The following B3GNT5 variants were observed in gnomAD, a reference collection of about 807,000 sequenced individuals.
B3GNT5 encodes the protein UDP-GlcNAc:betaGal beta-1,3-N-acetylglucosaminyltransferase 5.
A neutral mutation model predicts 25.9 loss-of-function variants in B3GNT5; 11 were observed. The ratio of observed to expected loss-of-function variants is 0.42; its 90% CI spans 0.27 to 0.70. The LOEUF (loss-of-function observed/expected upper bound fraction) is 0.70, where lower values mean the gene tolerates loss of function less well. Ranked by LOEUF, B3GNT5 falls within the 30% of genes least tolerant of loss-of-function variation. B3GNT5 has a pLI of 0.23. For missense variants in B3GNT5, 385 were observed against 458.4 expected, an observed-to-expected ratio of 0.84 and a Z score of 1.46; for synonymous variants, 166 against 158.6, an observed-to-expected ratio of 1.05 and a Z score of -0.35.
Position 183,273,359 on chromosome 3 carries a change from A to G in B3GNT5, c.*2424A>G, listed in dbSNP as rs16857229. Reference sequence around the variant, plus strand: ...ATTAGTGAGTTTAAAAAAAATCTATAGTTTCCAATAAACAACTGAAAAATT... The same window carrying G: ...ATTAGTGAGTTTAAAAAAAATCTATGGTTTCCAATAAACAACTGAAAAATT... On this transcript the variant is annotated 3_prime_UTR_variant, in exon 2 of 2. Transcript: ENST00000326505. The G allele has an allele frequency of 0.019, 4,216 of 218,162 alleles. 190 individuals are homozygous for G. Among genetic ancestry groups the G allele is most frequent in the African/African-American group, 0.088 (3,829 of 43,710 alleles). The allele number at this position is 218,162 out of a possible 1,614,324, so 13.5% of individuals were successfully genotyped here.
chr3:183,269,532 A>C lies in B3GNT5; in HGVS notation c.-267A>C. The C allele has an allele frequency of 2.6e-6, 1 of 386,394 alleles. No homozygotes were observed. Among genetic ancestry groups the C allele is most frequent in the East Asian group, 5.0e-5 (1 of 20,144 alleles). The allele number at this position is 386,394 out of a possible 1,614,324, so 23.9% of individuals were successfully genotyped here. Reference sequence around the variant, plus strand: ...AATATTCACATGGGAGAGCCGCATGAGGCCGCCCACCACGCTTCCTGAAGG... The same window carrying C: ...AATATTCACATGGGAGAGCCGCATGCGGCCGCCCACCACGCTTCCTGAAGG... On this transcript the variant is annotated 5_prime_UTR_variant, in exon 2 of 2. The change abolishes the stop of an existing upstream ORF in the 5' untranslated region. Coordinates refer to ENST00000326505, the MANE Select transcript of B3GNT5 (RefSeq NM_032047.5).
At chr3:183,259,900 GAAGT>G (rs1725430727) in intron 1 of B3GNT5, among the ~76,000 whole-genome samples, 1 of 152,170 alleles carries the variant, frequency 6.6e-6, no homozygotes, top group Non-Finnish European at 1.5e-5. Context: ...GTTAGTGAAG[GAAGT>G]AAGAACAGTG....
intron 1 of B3GNT5, among the ~76,000 whole-genome samples, chr3:183,268,009 A>G (rs1726328303): frequency 1.3e-5 from 2 of 152,182 alleles, no homozygotes. Context: ...ATGGGGTATA[A>G]GAAGGTGCTG....
rs756296159 is a variant in B3GNT5 at position 183,270,409 on chromosome 3, T to C, written c.611T>C (p.Ile204Thr). The C allele has an allele frequency of 1.2e-5, 19 of 1,614,078 alleles. No individual in the cohort carries two copies. The highest frequency in any genetic ancestry group is 5.0e-5 in the Admixed American group (3 of 60,008). Residue 204 changes from isoleucine to threonine, a missense_variant, in exon 2 of 2, where the codon ATT becomes ACT. Transcript: ENST00000326505. The surrounding 1 kb of genome is among the most constrained non-coding windows in gnomAD (Gnocchi z 4.5). ...ATATTTATTCACATGCCAAATCTGA[T>C]TGAGTACCTTCAAAGTTTAGAACAA... Reference protein sequence around the residue: ...DDIFIHMPNLIEYLQSLEQIG... With the variant: ...DDIFIHMPNLTEYLQSLEQIG...
In B3GNT5 at chr3:183,272,659, ACAGTTT is replaced by A. The variant is rs1726876067; in HGVS notation, c.*1725_*1730del. 1.0e-6 allele frequency: 1 copy of A among 1,003,138 alleles called. No individual in the cohort carries two copies. Among genetic ancestry groups the A allele is most frequent in the African/African-American group, 1.7e-5 (1 of 57,478 alleles). The allele number at this position is 1,003,138 out of a possible 1,614,324, so 62.1% of individuals were successfully genotyped here. ...AGTAGATACAGGGTTTTAGATCATT[ACAGTTT>A]AAGTTTTCTGACCAATTAAAAAAAC... is the stretch of plus-strand genomic sequence containing the variant. On this transcript the variant is annotated 3_prime_UTR_variant, in exon 2 of 2. Coordinates refer to ENST00000326505, the MANE Select transcript of B3GNT5 (RefSeq NM_032047.5).
intron 1 of B3GNT5, among the ~76,000 whole-genome samples, chr3:183,260,692 A>T (rs1215560819): frequency 6.6e-6 from 1 of 152,182 alleles, no homozygotes; most frequent in Non-Finnish European, 1.5e-5. Context: ...CAGGAAACAG[A>T]TCTACACCCA....
At chr3:183,254,977 A>G (rs971650480) in intron 1 of B3GNT5, among the ~76,000 whole-genome samples, 1 of 152,212 alleles carries the variant, frequency 6.6e-6, no homozygotes, top group African/African-American at 2.4e-5. Flanking sequence ...CACCCTGTAC[A>G]TTCTTGGCCG....
rs185803081 is a variant in B3GNT5, at chr3:183,264,213, C to T, written c.-301-5285C>T. Reference sequence around the variant, plus strand: ...GGTTCCCACCTCTCTGCTTTCAAATCTTCTATCTGCCATACACAGTTCTTG... The same window carrying T: ...GGTTCCCACCTCTCTGCTTTCAAATTTTCTATCTGCCATACACAGTTCTTG... On this transcript the variant is annotated intron_variant, in intron 1 of 1. Coordinates refer to ENST00000326505, the MANE Select transcript of B3GNT5 (RefSeq NM_032047.5). Among the ~76,000 whole-genome samples the T allele has an allele frequency of 7.4e-3, 1,133 of 152,322 alleles. 73 individuals carry two copies. Among genetic ancestry groups the T allele is most frequent in the Admixed American group, 0.068 (1,047 of 15,290 alleles).
rs1178884482 is a variant in B3GNT5, at chr3:183,267,096, G to GTGAT, written c.-301-2401_-301-2398dup. Among the ~76,000 whole-genome samples the GTGAT allele has an allele frequency of 6.6e-6, 1 of 152,076 alleles. No individual in the cohort carries two copies. The highest frequency in any genetic ancestry group is 1.9e-4 in the East Asian group (1 of 5,178). On this transcript the variant is annotated intron_variant, in intron 1 of 1. Transcript: ENST00000326505. This position sits in a 1 kb window ranked among gnomAD's most constrained non-coding sequence, Gnocchi z 5.5. ...CCACCATGGCCGGCCTTCAGCCTTTGTGATATTAAAGCACAGCAACACATT... is the reference window on the plus strand; with the variant it reads ...CCACCATGGCCGGCCTTCAGCCTTTGTGATTGATATTAAAGCACAGCAACACATT...
At chr3:183,257,213 T>C (rs1035975702) in intron 1 of B3GNT5, among the ~76,000 whole-genome samples, 5 of 152,236 alleles carry the variant, frequency 3.3e-5, no homozygotes, top group African/African-American at 1.2e-4. Context: ...CACTGGTACA[T>C]GGTTTAGAGA....
At chr3:183,255,158 C>G (rs1413711029) in intron 1 of B3GNT5, among the ~76,000 whole-genome samples, 1 of 152,082 alleles carries the variant, frequency 6.6e-6, no homozygotes, top group East Asian at 1.9e-4. Flanking sequence ...CTTGCCTGTT[C>G]CCTGTGGGGG....
At chr3:183,257,507 C>T (rs907540925) in intron 1 of B3GNT5, among the ~76,000 whole-genome samples, 14 of 152,046 alleles carry the variant, frequency 9.2e-5, no homozygotes, top group African/African-American at 2.9e-4. Context: ...CAGGGCTGCC[C>T]GCTGTAATGC....
intron 1 of B3GNT5, among the ~76,000 whole-genome samples, chr3:183,263,096 C>G: frequency 6.6e-6 from 1 of 151,996 alleles, no homozygotes; most frequent in East Asian, 1.9e-4. Context: ...AGTGAGTGTA[C>G]TATAGAGTGA....
In B3GNT5 at chr3:183,272,422, C is replaced by G. The variant is rs1726856516; in HGVS notation, c.*1487C>G. ...TCATATAATAAGGTGATGTCGGAAA[C>G]ACGCAAAACAAAACGAAAAAAGATT... On this transcript the variant is annotated 3_prime_UTR_variant, in exon 2 of 2. Transcript: ENST00000326505. 1 of 1,000,084 alleles carries G rather than the reference C, an allele frequency of 1.0e-6. No homozygotes were observed. The highest frequency in any genetic ancestry group is 6.1e-5 in the Admixed American group (1 of 16,266). 62.0% of individuals were successfully genotyped at this position (1,000,084 alleles called of 1,614,324 possible). A position where few individuals can be genotyped will look rare whatever the true frequency, so the allele number is the denominator to read the frequency against.
Position 183,268,753 on chromosome 3 carries a change from G to A in B3GNT5, c.-301-745G>A, listed in dbSNP as rs764441668. 2.2e-4 allele frequency among the ~76,000 whole-genome samples: 33 copies of A among 152,112 alleles called. 1 individual carries two copies. The highest frequency in any genetic ancestry group is 1.2e-4 in the Non-Finnish European group (8 of 68,020). Reference sequence around the variant, plus strand: ...TTACCCCAATTTGTCAAATTTCTGCGCATGATATGGTACAAGAAACCGTAA... The same window carrying A: ...TTACCCCAATTTGTCAAATTTCTGCACATGATATGGTACAAGAAACCGTAA... On this transcript the variant is annotated intron_variant, in intron 1 of 1. Coordinates refer to ENST00000326505, the MANE Select transcript of B3GNT5 (RefSeq NM_032047.5).
At position 183,267,470 on chromosome 3, in the gene B3GNT5, C is replaced by G. The variant is rs1726265326; in HGVS notation, c.-301-2028C>G. ...GGGGATGGAGGTGTCACAGCTGAGGCTAGGCCCATTCTGCAGGGCACTCAG... is the reference window on the plus strand; with the variant it reads ...GGGGATGGAGGTGTCACAGCTGAGGGTAGGCCCATTCTGCAGGGCACTCAG... On this transcript the variant is annotated intron_variant, in intron 1 of 1. Transcript: ENST00000326505. The surrounding 1 kb of genome is among the most constrained non-coding windows in gnomAD (Gnocchi z 5.5). Among the ~76,000 whole-genome samples the G allele has an allele frequency of 6.6e-6, 1 of 152,206 alleles. No homozygotes were observed. Among genetic ancestry groups the G allele is most frequent in the South Asian group, 2.1e-4 (1 of 4,830 alleles).
At position 183,267,685 on chromosome 3, in the gene B3GNT5, A is replaced by T. The variant is rs1726293799; in HGVS notation, c.-301-1813A>T. The stretch of plus-strand genomic sequence containing the variant: ...CCCGAGGAAGAGAGCCTACCTTTCC[A>T]TCCAAGGAAGTGTTTTACCTGTGGT... On this transcript the variant is annotated intron_variant, in intron 1 of 1. Transcript: ENST00000326505. The surrounding 1 kb of genome is among the most constrained non-coding windows in gnomAD (Gnocchi z 5.5). Among the ~76,000 whole-genome samples, 1 of 152,174 alleles carries T rather than the reference A, an allele frequency of 6.6e-6. No individual in the cohort carries two copies. Among genetic ancestry groups the T allele is most frequent in the African/African-American group, 2.4e-5 (1 of 41,442 alleles).
Position 183,273,271 on chromosome 3 carries a change from T to TA in B3GNT5, c.*2338dup, listed in dbSNP as rs1369597260. ...GGTTTGCATCTTTTTTCCATATTGT[T>TA]AATTTTATACCAAAATGTTAAATAT... On this transcript the variant is annotated 3_prime_UTR_variant, in exon 2 of 2. Coordinates refer to ENST00000326505, the MANE Select transcript of B3GNT5 (RefSeq NM_032047.5). 5.8e-6 allele frequency: 2 copies of TA among 347,176 alleles called. No homozygotes were observed. Among genetic ancestry groups the TA allele is most frequent in the Non-Finnish European group, 1.1e-5 (2 of 184,690 alleles). The allele number at this position is 347,176 out of a possible 1,614,324, so 21.5% of individuals were successfully genotyped here. A position where few individuals can be genotyped will look rare whatever the true frequency, so the allele number is the denominator to read the frequency against.
chr3:183,255,133 T>C (rs910401741), intron 1 of B3GNT5, among the ~76,000 whole-genome samples: 23 of 152,174 alleles, frequency 1.5e-4, no homozygotes, highest in African/African-American at 5.6e-4. Context: ...CGTCTGTGCC[T>C]TTATTTTGGG....
Sources: gnomAD v4.1 joint callset for allele counts (sites outside exome capture counted in the v4.1 genomes callset) on GRCh38, gnomAD v4.1.1 for gene constraint, Gnocchi (gnomAD v3.1) non-coding constraint, MANE v1.5 for transcripts, NCBI Gene and HGNC (gene_info 2026-07-23, HGNC 2026-07-21) for gene names.